Variants in PDZD8 observed in about 807,000 individuals in gnomAD.
The protein encoded by PDZD8 is PDZ domain containing 8, also known as PDZ domain-containing protein 8.
In PDZD8, 14 loss-of-function variants were observed where a neutral mutation model predicts 85.8. The ratio of observed to expected loss-of-function variants is 0.16; its 90% CI spans 0.11 to 0.26. The LOEUF is 0.26. Ranked by LOEUF, PDZD8 falls within the 10% of genes least tolerant of loss-of-function variation. PDZD8 has a pLI of 1.00. For missense variants in PDZD8, 1,197 were observed against 1,424.3 expected (o/e 0.84, Z 2.57); for synonymous variants, 592 against 568.6 (o/e 1.04, Z -0.59).
chr10:117,335,482 G>A (rs911118623), intron 2 of PDZD8, among the ~76,000 whole-genome samples: 28 of 152,256 alleles, frequency 1.8e-4, no homozygotes, highest in African/African-American at 6.5e-4. Context: ...AACAGTGTAA[G>A]GCAAAAATAA....
intron 1 of PDZD8, among the ~76,000 whole-genome samples, chr10:117,372,371 AACTT>A (rs1473499832): frequency 6.6e-6 from 1 of 151,648 alleles, no homozygotes; most frequent in Non-Finnish European, 1.5e-5. Context: ...ACTTATTCAT[AACTT>A]ACTTCAGATT....
intron 1 of PDZD8, among the ~76,000 whole-genome samples, chr10:117,366,185 T>C (rs192618126): frequency 2.0e-5 from 3 of 152,314 alleles, no homozygotes; most frequent in Non-Finnish European, 2.9e-5. Context: ...GTGGTTAATA[T>C]TGATTTCAGC....
chr10:117,373,396 A>C (rs113400102), intron 1 of PDZD8, among the ~76,000 whole-genome samples: 5 of 152,064 alleles, frequency 3.3e-5, no homozygotes, highest in Admixed American at 2.6e-4. Context: ...AAAATGGGCA[A>C]ATGACATTAA....
intron 2 of PDZD8, among the ~76,000 whole-genome samples, chr10:117,336,123 G>A (rs1282800942): frequency 1.3e-5 from 2 of 152,294 alleles, no homozygotes; most frequent in Middle Eastern, 3.4e-3. Context: ...ATAGCCTGAA[G>A]GTAATTTTAT....
At chr10:117,331,182 T>G (rs897224660) in intron 2 of PDZD8, among the ~76,000 whole-genome samples, 1 of 152,202 alleles carries the variant, frequency 6.6e-6, no homozygotes, top group African/African-American at 2.4e-5. Context: ...ACAAAATGCA[T>G]TCACTATTGA....
At chr10:117,305,463 CACACACAT>C (rs1453780670) in intron 3 of PDZD8, among the ~76,000 whole-genome samples, 57 of 97,788 alleles carry the variant, frequency 5.8e-4, no homozygotes, top group African/African-American at 1.4e-3. Context: ...CACATATATA[CACACACAT>C]ACACACACAC....
chr10:117,359,091 T>C (rs990845139), intron 1 of PDZD8, among the ~76,000 whole-genome samples: 1 of 151,996 alleles, frequency 6.6e-6, no homozygotes, highest in Non-Finnish European at 1.5e-5. Context: ...TTTGTGACGA[T>C]ATCATTTGTT....
chr10:117,297,001 C>G (rs1362802654), intron 3 of PDZD8, among the ~76,000 whole-genome samples: 1 of 151,866 alleles, frequency 6.6e-6, no homozygotes, highest in Non-Finnish European at 1.5e-5. Flanking sequence ...AAATGATAAG[C>G]CATAGATTAG....
intron 1 of PDZD8, among the ~76,000 whole-genome samples, chr10:117,345,218 C>T (rs2532795): frequency 0.77 from 116,989 of 152,154 alleles, 45,635 homozygotes; most frequent in Non-Finnish European, 0.85. Flanking sequence ...AAAGGCACTA[C>T]CAAGAACAAT....
At chr10:117,305,457 TATATACACACACATACAC>T (rs1200059620) in intron 3 of PDZD8, among the ~76,000 whole-genome samples, 1 of 120,380 alleles carries the variant, frequency 8.3e-6, no homozygotes, top group African/African-American at 3.4e-5. Flanking sequence ...CACACACACA[TATATACACACACATACAC>T]ACACACACAC....
In PDZD8 at chr10:117,285,177, C is replaced by T; in HGVS notation, c.1556G>A (p.Ser519Asn). The change falls in exon 5 of 5, where the codon AGT (serine) becomes AAT (asparagine). Residue 519 changes from serine to asparagine, a missense_variant. Around this residue, in one of 4 missense-constraint regions of PDZD8, gnomAD observed 263 missense variants for 261.9 expected, o/e 1.00. Coordinates refer to ENST00000334464, the MANE Select transcript of PDZD8 (RefSeq NM_173791.5). ...TGTTGGAACACGTTTGGGACTATGA[C>T]TTAATGATTGTGCCTCATCTTTGAA... Reference protein sequence around the residue: ...NEFKDEAQSLSHSPKRVPTTL... With the variant: ...NEFKDEAQSLNHSPKRVPTTL... 1 of 1,614,198 alleles carries T rather than the reference C, an allele frequency of 6.2e-7. No homozygotes were observed. Among genetic ancestry groups the T allele is most frequent in the South Asian group, 1.1e-5 (1 of 91,086 alleles).
chr10:117,350,645 T>A (rs149367341), intron 1 of PDZD8, among the ~76,000 whole-genome samples: 4,864 of 151,352 alleles, frequency 0.032, 85 homozygotes, highest in South Asian at 0.04. Flanking sequence ...GGCTCACGCC[T>A]GTAATCCCAG....
At chr10:117,304,732 G>T (rs370780055) in intron 3 of PDZD8, among the ~76,000 whole-genome samples, 2 of 152,092 alleles carry the variant, frequency 1.3e-5, no homozygotes, top group African/African-American at 4.8e-5. Flanking sequence ...TTTATCAGGG[G>T]GTTTCTGCTT....
intron 2 of PDZD8, among the ~76,000 whole-genome samples, chr10:117,325,651 C>T (rs1188658594): frequency 6.6e-6 from 1 of 152,066 alleles, no homozygotes; most frequent in Non-Finnish European, 1.5e-5. Context: ...GATCTGCCCA[C>T]CTCAGCCTCC....
rs1420350440 is a variant in PDZD8 at position 117,318,861 on chromosome 10, A to G, written c.1098+11T>C. The G allele has an allele frequency of 6.5e-7, 1 of 1,536,990 alleles. No homozygotes were observed. The highest frequency in any genetic ancestry group is 9.0e-7 in the Non-Finnish European group (1 of 1,112,170). Reference sequence around the variant, plus strand: ...TTTATATAGATATAAATCACTGTAAATCCATTTTACCGTCTTAATAGAACT... The same window carrying G: ...TTTATATAGATATAAATCACTGTAAGTCCATTTTACCGTCTTAATAGAACT... On this transcript the variant is annotated intron_variant, in intron 3 of 4. Coordinates refer to ENST00000334464, the MANE Select transcript of PDZD8 (RefSeq NM_173791.5).
At chr10:117,306,589 A>G (rs935713566) in intron 3 of PDZD8, among the ~76,000 whole-genome samples, 1 of 151,804 alleles carries the variant, frequency 6.6e-6, no homozygotes, top group African/African-American at 2.4e-5. Context: ...ATATAGTATC[A>G]CTCTACTTCT....
chr10:117,340,831 G>T, intron 2 of PDZD8, 149 bp downstream of exon 2: 2 of 907,512 alleles, frequency 2.2e-6, no homozygotes, highest in Non-Finnish European at 3.2e-6. Context: ...AAGTTAGAAA[G>T]GACTACTTTT....
chr10:117,337,911 T>G (rs1844545755), intron 2 of PDZD8, among the ~76,000 whole-genome samples: 1 of 152,216 alleles, frequency 6.6e-6, no homozygotes, highest in South Asian at 2.1e-4. Flanking sequence ...ATAAGCATTT[T>G]TTTGGTCCTT....
At chr10:117,294,060 G>A (rs534068325) in intron 3 of PDZD8, among the ~76,000 whole-genome samples, 1 of 152,118 alleles carries the variant, frequency 6.6e-6, no homozygotes, top group South Asian at 2.1e-4. Flanking sequence ...GTGTTTTAGA[G>A]GAAATTTATA....
Sources: gnomAD v4.1 joint callset for allele counts (sites outside exome capture counted in the v4.1 genomes callset) on GRCh38, gnomAD v4.1.1 for gene constraint, gnomAD v4.1.1 regional missense constraint, MANE v1.5 for transcripts, NCBI Gene and HGNC (gene_info 2026-07-23, HGNC 2026-07-21) for gene names.